FAT3: variants seen among roughly 807,000 people sequenced by gnomAD.
FAT3 encodes FAT atypical cadherin 3.
FAT3 carries 95 observed loss-of-function variants against 310.2 expected under a neutral mutation model. The ratio of observed to expected loss-of-function variants is 0.31; its 90% confidence interval spans 0.26 to 0.36. The LOEUF is 0.36. Ranked by LOEUF, FAT3 falls within the 10% of genes least tolerant of loss-of-function variation. The pLI is 1.00. For synonymous variants in FAT3, 2,314 were observed against 2,192.9 expected (o/e 1.06, Z -1.54); for missense variants, 5,408 against 5,715.6 (o/e 0.95, Z 1.74).
intron 4 of FAT3, among the ~76,000 whole-genome samples, chr11:92,740,864 T>C (rs1945487917): frequency 6.6e-6 from 1 of 152,192 alleles, no homozygotes; most frequent in South Asian, 2.1e-4. Flanking sequence ...TTTATATTTG[T>C]GATTGGTTTC....
Position 92,299,289 on chromosome 11 carries a change from C to T in FAT3, c.-17-52807C>T, listed in dbSNP as rs559455852. 3.3e-5 allele frequency among the ~76,000 whole-genome samples: 5 copies of T among 152,206 alleles called. No homozygotes were observed. In the East Asian group the frequency reaches 9.7e-4, roughly 29 times the overall value. On this transcript the variant is annotated intron_variant, in intron 1 of 27. Coordinates refer to ENST00000525166, the MANE Select transcript of FAT3 (RefSeq NM_001367949.2). ...AAGTACCCAAGAAAGACAAGATTTGCTTCCTGATGACCTGGAGTCAGGAAA... is the reference window on the plus strand; with the variant it reads ...AAGTACCCAAGAAAGACAAGATTTGTTTCCTGATGACCTGGAGTCAGGAAA...
intron 24 of FAT3, among the ~76,000 whole-genome samples, chr11:92,886,251 C>T (rs1424015315): frequency 6.6e-6 from 1 of 152,132 alleles, no homozygotes; most frequent in East Asian, 1.9e-4. Context: ...GCTACTAATT[C>T]ATTTTGCACT....
chr11:92,551,414 T>TTGTGTGTGTGTGTGTGTGTGTGTG (rs71473973), intron 3 of FAT3, among the ~76,000 whole-genome samples: 1 of 128,970 alleles, frequency 7.8e-6, no homozygotes, highest in African/African-American at 2.9e-5. Flanking sequence ...TTTTTTTGTT[T>TTGTGTGTGTGTGTGTGTGTGTGTG]TGTGTGTGTG....
At chr11:92,564,477 A>G (rs1955355697) in intron 3 of FAT3, among the ~76,000 whole-genome samples, 1 of 150,974 alleles carries the variant, frequency 6.6e-6, no homozygotes. Context: ...AGACAGATCA[A>G]CGAGACAGAA....
chr11:92,808,982 T>G (rs1286495867), intron 12 of FAT3, among the ~76,000 whole-genome samples: 3 of 152,116 alleles, frequency 2.0e-5, no homozygotes, highest in Non-Finnish European at 2.9e-5. Flanking sequence ...TTCATCCAAA[T>G]AATATCTACT....
intron 23 of FAT3, among the ~76,000 whole-genome samples, chr11:92,881,862 G>A (rs1315245474): frequency 1.3e-5 from 2 of 152,158 alleles, no homozygotes; most frequent in African/African-American, 4.8e-5. Context: ...TCATTAGAAT[G>A]CTTTAGTCAT....
chr11:92,848,457 G>T (rs1565647843), intron 19 of FAT3, among the ~76,000 whole-genome samples: 1 of 152,202 alleles, frequency 6.6e-6, no homozygotes, highest in African/African-American at 2.4e-5. Flanking sequence ...CCGTATAGGA[G>T]ATGTGCAAGA....
At chr11:92,500,446 A>G (rs1282509668) in intron 2 of FAT3, among the ~76,000 whole-genome samples, 1 of 152,030 alleles carries the variant, frequency 6.6e-6, no homozygotes, top group Non-Finnish European at 1.5e-5. Context: ...TAACGTAATT[A>G]GGCTGATTGT....
intron 1 of FAT3, among the ~76,000 whole-genome samples, chr11:92,303,137 C>G (rs1947041436): frequency 6.6e-6 from 1 of 152,030 alleles, no homozygotes; most frequent in Admixed American, 6.6e-5. Context: ...GGTTGAAAGC[C>G]TCTGTACAAT....
At position 92,800,833 on chromosome 11, in the gene FAT3, C is replaced by G. The variant is rs777763331; in HGVS notation, c.7820C>G (p.Ala2607Gly). ...CAGTTCATGACAGTGGAATATAGAG[C>G]CAGTGTCAGGGCAGATGTTGGAAGG... ...APQFMTVEYR[A>G]SVRADVGRGH... The change falls in exon 10 of 28, where the codon GCC becomes GGC. Residue 2607 changes from alanine (A) to glycine (G), a missense_variant. Physicochemically the swap from Ala to Gly is moderately conservative, Grantham distance 60. Transcript: ENST00000525166. 2 of 1,613,690 alleles carry G rather than the reference C, an allele frequency of 1.2e-6. No homozygotes were observed. The highest frequency in any genetic ancestry group is 1.3e-5 in the African/African-American group (1 of 75,020).
intron 3 of FAT3, among the ~76,000 whole-genome samples, chr11:92,624,858 T>C (rs562702785): frequency 6.6e-6 from 1 of 152,226 alleles, no homozygotes; most frequent in Non-Finnish European, 1.5e-5. Flanking sequence ...CTGAGGACTC[T>C]GAGAGACGAT....
At chr11:92,872,726 C>A (rs2136371167) in intron 22 of FAT3, among the ~76,000 whole-genome samples, 1 of 152,262 alleles carries the variant, frequency 6.6e-6, no homozygotes, top group African/African-American at 2.4e-5. Context: ...GCCCAATATA[C>A]AATATATAAA....
chr11:92,755,857 C>T (rs558982284), intron 4 of FAT3, among the ~76,000 whole-genome samples: 1 of 152,112 alleles, frequency 6.6e-6, no homozygotes, highest in Non-Finnish European at 1.5e-5. Context: ...CTGTGTTCGT[C>T]GGTTGGTTAT....
chr11:92,443,632 A>C (rs1032847995), intron 2 of FAT3, among the ~76,000 whole-genome samples: 8 of 152,190 alleles, frequency 5.3e-5, no homozygotes, highest in Non-Finnish European at 1.2e-4. Flanking sequence ...GTCCTTAAAC[A>C]TTACATTTTG....
At chr11:92,830,797 C>G (rs1948227147) in intron 13 of FAT3, among the ~76,000 whole-genome samples, 1 of 152,148 alleles carries the variant, frequency 6.6e-6, no homozygotes, top group African/African-American at 2.4e-5. Context: ...CTAGAAGCCT[C>G]TGTTTCTCTC....
intron 1 of FAT3, among the ~76,000 whole-genome samples, chr11:92,325,777 A>T (rs34053462): frequency 0.019 from 2,834 of 152,234 alleles, 35 homozygotes; most frequent in Non-Finnish European, 0.028. Context: ...GACTACAGGC[A>T]TGCATCACCA....
intron 2 of FAT3, among the ~76,000 whole-genome samples, chr11:92,461,027 G>T (rs1951626649): frequency 6.6e-6 from 1 of 152,110 alleles, no homozygotes; most frequent in African/African-American, 2.4e-5. Context: ...TGGAGTCCAT[G>T]GCTAAAGGAA....
At chr11:92,652,506 A>AG (rs1591567270) in intron 3 of FAT3, among the ~76,000 whole-genome samples, 1 of 152,232 alleles carries the variant, frequency 6.6e-6, no homozygotes, top group Non-Finnish European at 1.5e-5. Context: ...TGTGTTCCTC[A>AG]GAGCTACAAA....
At chr11:92,443,829 A>T (rs1468745471) in intron 2 of FAT3, among the ~76,000 whole-genome samples, 1 of 152,142 alleles carries the variant, frequency 6.6e-6, no homozygotes, top group African/African-American at 2.4e-5. Context: ...GAGGAGAAGA[A>T]GATAAATAAG....
Sources: gnomAD v4.1 joint callset for allele counts (sites outside exome capture counted in the v4.1 genomes callset) on GRCh38, gnomAD v4.1.1 for gene constraint, MANE v1.5 for transcripts, NCBI Gene and HGNC (gene_info 2026-07-23, HGNC 2026-07-21) for gene names.